CTNNA2: variants seen among roughly 807,000 people sequenced by gnomAD.
CTNNA2 encodes the protein catenin alpha 2.
A neutral mutation model predicts 101.0 loss-of-function variants in CTNNA2; 42 were observed. The ratio of observed to expected loss-of-function variants is 0.42; its 90% confidence interval spans 0.32 to 0.54. The LOEUF is 0.54. Ranked by LOEUF, CTNNA2 falls within the 20% of genes least tolerant of loss-of-function variation. The pLI, the probability that CTNNA2 is intolerant of heterozygous loss-of-function variation, is 0.14. For synonymous variants in CTNNA2, 450 were observed against 456.4 expected, an observed-to-expected ratio of 0.99 and a Z score of 0.18; for missense variants, 871 against 1,223.1, an observed-to-expected ratio of 0.71 and a Z score of 4.29.
intron 3 of CTNNA2, among the ~76,000 whole-genome samples, chr2:79,345,058 T>C (rs1573102140): frequency 1.3e-5 from 2 of 150,534 alleles, no homozygotes; most frequent in East Asian, 3.9e-4. Flanking sequence ...TTTATTTATA[T>C]GGAGCTGATT....
chr2:79,446,881 A>G (rs1393529250), intron 4 of CTNNA2, among the ~76,000 whole-genome samples: 2 of 152,018 alleles, frequency 1.3e-5, no homozygotes, highest in East Asian at 1.9e-4. Context: ...GGTTTCCTCT[A>G]ATCTCCTTTT....
intron 4 of CTNNA2, among the ~76,000 whole-genome samples, chr2:79,461,611 A>AGG (rs1283764830): frequency 2.6e-5 from 4 of 152,152 alleles, no homozygotes; most frequent in Admixed American, 6.5e-5. Flanking sequence ...AGAGCTGGGC[A>AGG]GGCACCCAGG....
intron 7 of CTNNA2, among the ~76,000 whole-genome samples, chr2:80,353,740 A>G (rs926996613): frequency 6.6e-6 from 1 of 152,138 alleles, no homozygotes; most frequent in Non-Finnish European, 1.5e-5. Flanking sequence ...CCAAGATCGA[A>G]TGAGATAACC....
At chr2:79,519,049 T>C (rs1211812114) in intron 1 of CTNNA2, among the ~76,000 whole-genome samples, 1 of 151,848 alleles carries the variant, frequency 6.6e-6, no homozygotes, top group Non-Finnish European at 1.5e-5. Flanking sequence ...GCTAACATGA[T>C]GAAACCCTGT....
At chr2:79,623,680 C>T (rs1029859664) in intron 1 of CTNNA2, among the ~76,000 whole-genome samples, 1 of 151,966 alleles carries the variant, frequency 6.6e-6, no homozygotes, top group East Asian at 1.9e-4. Flanking sequence ...ATTGATGTCC[C>T]CTATTTTAAG....
intron 2 of CTNNA2, among the ~76,000 whole-genome samples, chr2:79,651,982 C>T (rs969784644): frequency 9.2e-5 from 14 of 152,048 alleles, no homozygotes; most frequent in Admixed American, 5.2e-4. Context: ...TGCTAATGCA[C>T]CATTAGGAAA....
At chr2:79,841,208 G>A (rs1679783926) in intron 3 of CTNNA2, among the ~76,000 whole-genome samples, 1 of 152,178 alleles carries the variant, frequency 6.6e-6, no homozygotes, top group Admixed American at 6.5e-5. Context: ...AACATGCAGA[G>A]TCAAACAAGA....
chr2:80,638,878 G>A (rs1673148198), intron 18 of CTNNA2, among the ~76,000 whole-genome samples: 1 of 152,188 alleles, frequency 6.6e-6, no homozygotes, highest in African/African-American at 2.4e-5. Flanking sequence ...AAATTCCTCA[G>A]CAAGGCTGTG....
chr2:80,276,261 G>A (rs1673891953), intron 7 of CTNNA2, among the ~76,000 whole-genome samples: 1 of 152,118 alleles, frequency 6.6e-6, no homozygotes, highest in Non-Finnish European at 1.5e-5. Context: ...ACACCCCACA[G>A]ATAAAAGCAA....
At chr2:80,544,153 A>T (rs866018089) in intron 9 of CTNNA2, among the ~76,000 whole-genome samples, 17 of 152,106 alleles carry the variant, frequency 1.1e-4, no homozygotes, top group African/African-American at 1.7e-4. Context: ...TGTTCCTAAA[A>T]ATCAAATTTG....
intron 4 of CTNNA2, among the ~76,000 whole-genome samples, chr2:79,402,594 G>GTC (rs941414296): frequency 4.6e-5 from 7 of 150,892 alleles, no homozygotes; most frequent in East Asian, 2.0e-4. Context: ...CTCTCTCTCT[G>GTC]TCTCTCTCTC....
chr2:80,285,124 C>A (rs1256640337), intron 7 of CTNNA2, among the ~76,000 whole-genome samples: 1 of 152,092 alleles, frequency 6.6e-6, no homozygotes, highest in Non-Finnish European at 1.5e-5. Flanking sequence ...TCAGCCATGA[C>A]CTGGCTTCAT....
chr2:79,873,959 A>G (rs1036025546), intron 5 of CTNNA2, 117 bp from the exon 6 acceptor site: 1 of 1,449,920 alleles, frequency 6.9e-7, no homozygotes, highest in African/African-American at 1.4e-5. Flanking sequence ...AGCTAGAAAC[A>G]GCACAAGGGT....
chr2:79,316,030 G>A, intron 3 of CTNNA2, among the ~76,000 whole-genome samples: 1 of 151,754 alleles, frequency 6.6e-6, no homozygotes, highest in East Asian at 1.9e-4. Context: ...TGCATTTTTT[G>A]GTGTTTTATC....
chr2:80,049,200 A>G (rs1294295028), intron 7 of CTNNA2, among the ~76,000 whole-genome samples: 2 of 152,156 alleles, frequency 1.3e-5, no homozygotes, highest in African/African-American at 2.4e-5. Context: ...TGGCCAGTTT[A>G]TGTGTCATTC....
In CTNNA2 at chr2:79,281,697, G is replaced by A. The variant is rs375126485; in HGVS notation, c.-405-31012G>A. On this transcript the variant is annotated intron_variant, in intron 2 of 21. Coordinates refer to the CTNNA2 transcript ENST00000466387. Reference sequence around the variant, plus strand: ...TCAGTATTTGACAAGTGAACTTTCTGAAACTACCAAAGACAACAGCACACA... The same window carrying A: ...TCAGTATTTGACAAGTGAACTTTCTAAAACTACCAAAGACAACAGCACACA... Among the ~76,000 whole-genome samples the A allele has an allele frequency of 5.9e-5, 9 of 152,270 alleles. No homozygotes were observed. The East Asian group carries it at 1.7e-3, about 29-fold the overall frequency.
chr2:80,226,981 G>A (rs190690014), intron 7 of CTNNA2, among the ~76,000 whole-genome samples: 2 of 152,106 alleles, frequency 1.3e-5, no homozygotes, highest in South Asian at 4.1e-4. Context: ...TGTTATCATG[G>A]ATGCTAAACT....
chr2:79,857,909 A>G (rs1454906084), intron 3 of CTNNA2, 104 bp from the exon 4 acceptor site: 1 of 1,235,004 alleles, frequency 8.1e-7, no homozygotes, highest in African/African-American at 1.5e-5. Flanking sequence ...CCTGGTCATC[A>G]GAGTTTTGCA....
At chr2:79,718,665 A>G (rs1049906171) in intron 2 of CTNNA2, among the ~76,000 whole-genome samples, 1 of 152,216 alleles carries the variant, frequency 6.6e-6, no homozygotes, top group Non-Finnish European at 1.5e-5. Flanking sequence ...AAAATAGATT[A>G]AGACCGTATA....
Sources: allele counts gnomAD v4.1 joint callset (sites outside exome capture counted in the v4.1 genomes callset), GRCh38; gene constraint gnomAD v4.1.1; transcripts MANE v1.5; gene names NCBI Gene and HGNC (gene_info 2026-07-23, HGNC 2026-07-21).